Variants in KCNMB2 observed in about 807,000 individuals in gnomAD.
The protein encoded by KCNMB2 is calcium-activated potassium channel subunit beta-2.
In KCNMB2, 9 loss-of-function variants were observed where a neutral mutation model predicts 24.5. The ratio of observed to expected loss-of-function variants is 0.37; its 90% CI spans 0.22 to 0.64. The LOEUF (loss-of-function observed/expected upper bound fraction) is 0.64, where lower values mean the gene tolerates loss of function less well. Among genes scored for constraint, KCNMB2 ranks in the 30% least tolerant of loss-of-function variants. KCNMB2 has a pLI of 0.63. For missense variants in KCNMB2, 226 were observed against 284.3 expected (o/e 0.79, Z 1.47); for synonymous variants, 109 against 104.4 (o/e 1.04, Z -0.27).
At chr3:178,824,439 C>T (rs1295826777) in intron 2 of KCNMB2, 5 of 152,258 alleles carry the variant, frequency 3.3e-5, no homozygotes, top group Admixed American at 2.0e-4. Flanking sequence ...ATGATCTTGG[C>T]TCACTGCAAG....
At chr3:178,833,619 C>G (rs1715121911) in intron 4 of KCNMB2, among the ~76,000 whole-genome samples, 1 of 152,110 alleles carries the variant, frequency 6.6e-6, no homozygotes, top group African/African-American at 2.4e-5. Context: ...CTCACAGTTA[C>G]CAAGAAATGG....
chr3:178,758,843 G>A (rs187166876), intron 1 of KCNMB2, among the ~76,000 whole-genome samples: 2 of 2,972 alleles, frequency 6.7e-4, no homozygotes, highest in Non-Finnish European at 1.0e-3. Flanking sequence ...TCTCCAAGAG[G>A]GATATATATA....
chr3:178,567,348 G>T (rs1314602112), intron 1 of KCNMB2, among the ~76,000 whole-genome samples: 1 of 152,098 alleles, frequency 6.6e-6, no homozygotes, highest in African/African-American at 2.4e-5. Context: ...GAAGTCCTGA[G>T]CAACAAATAG....
intron 1 of KCNMB2, among the ~76,000 whole-genome samples, chr3:178,601,973 C>T (rs182907358): frequency 1.3e-5 from 2 of 152,296 alleles, no homozygotes; most frequent in Admixed American, 6.5e-5. Context: ...TTCTGCCAGA[C>T]TGAATTATTA....
intron 1 of KCNMB2, among the ~76,000 whole-genome samples, chr3:178,580,945 A>T (rs983033775): frequency 2.0e-5 from 3 of 152,214 alleles, no homozygotes; most frequent in African/African-American, 7.2e-5. Context: ...ATAATGCCCA[A>T]AATAATTTAT....
chr3:178,607,978 A>T (rs1271192552), intron 1 of KCNMB2, among the ~76,000 whole-genome samples: 4 of 152,206 alleles, frequency 2.6e-5, no homozygotes, highest in Admixed American at 1.3e-4. Flanking sequence ...GACACAGAGC[A>T]CACAAAGGGA....
intron 1 of KCNMB2, among the ~76,000 whole-genome samples, chr3:178,788,579 C>T (rs1232255560): frequency 6.6e-6 from 1 of 150,968 alleles, no homozygotes; most frequent in Non-Finnish European, 1.5e-5. Context: ...ATGATATCTG[C>T]TGTTACTCTA....
At chr3:178,683,076 T>C (rs1444582069) in intron 1 of KCNMB2, among the ~76,000 whole-genome samples, 2 of 152,056 alleles carry the variant, frequency 1.3e-5, no homozygotes, top group African/African-American at 4.8e-5. Flanking sequence ...GGCAAAGACA[T>C]GGAATCAACC....
At chr3:178,575,475 C>T (rs371126931) in intron 1 of KCNMB2, among the ~76,000 whole-genome samples, 9 of 152,196 alleles carry the variant, frequency 5.9e-5, no homozygotes, top group African/African-American at 1.7e-4. Context: ...TGTAGAAGCA[C>T]AAATCAAAGA....
chr3:178,576,003 CT>C (rs1560115640), intron 1 of KCNMB2, among the ~76,000 whole-genome samples: 1 of 152,032 alleles, frequency 6.6e-6, no homozygotes, highest in East Asian at 1.9e-4. Flanking sequence ...GTCCTGCCAC[CT>C]TTCCTATATC....
chr3:178,620,285 A>C (rs572106136), intron 1 of KCNMB2, among the ~76,000 whole-genome samples: 1 of 152,344 alleles, frequency 6.6e-6, no homozygotes, highest in Non-Finnish European at 1.5e-5. Flanking sequence ...TAGCTGGATA[A>C]GCTAATAAAA....
intron 1 of KCNMB2, among the ~76,000 whole-genome samples, chr3:178,724,103 CA>C (rs1559990295): frequency 6.6e-6 from 1 of 152,188 alleles, no homozygotes; most frequent in African/African-American, 2.4e-5. Flanking sequence ...TTCCCACTGA[CA>C]GTGTATAAGT....
At chr3:178,645,390 T>C (rs946287383) in intron 1 of KCNMB2, among the ~76,000 whole-genome samples, 1 of 152,136 alleles carries the variant, frequency 6.6e-6, no homozygotes, top group Non-Finnish European at 1.5e-5. Context: ...TTGCCTTTTG[T>C]ACTTAGAATC....
chr3:178,653,219 T>C (rs991196545), intron 1 of KCNMB2, among the ~76,000 whole-genome samples: 1 of 152,160 alleles, frequency 6.6e-6, no homozygotes, highest in Non-Finnish European at 1.5e-5. Context: ...GTAGATAGTT[T>C]ATATTCATAG....
intron 4 of KCNMB2, among the ~76,000 whole-genome samples, chr3:178,835,592 T>C (rs757543289): frequency 2.0e-5 from 3 of 152,084 alleles, no homozygotes; most frequent in Non-Finnish European, 2.9e-5. Flanking sequence ...TGGTACATTA[T>C]ATATGCTTAA....
chr3:178,836,554 A>G (rs1321553734), intron 4 of KCNMB2, among the ~76,000 whole-genome samples: 1 of 152,204 alleles, frequency 6.6e-6, no homozygotes, highest in Non-Finnish European at 1.5e-5. Flanking sequence ...TTTTATTAAC[A>G]AAACTCAGTA....
chr3:178,663,174 G>A (rs998478565), intron 1 of KCNMB2, among the ~76,000 whole-genome samples: 2 of 152,038 alleles, frequency 1.3e-5, no homozygotes, highest in African/African-American at 2.4e-5. Context: ...TCCCAGGAAG[G>A]AGTAAGAAAG....
rs561842020 is a variant in KCNMB2, at chr3:178,739,666, T to A, written c.-67-67677T>A. Among the ~76,000 whole-genome samples, 13 of 152,242 alleles carry A rather than the reference T, an allele frequency of 8.5e-5. No individual in the cohort carries two copies. The East Asian group carries it at 2.1e-3, about 25-fold the overall frequency. Reference sequence around the variant, plus strand: ...GACCTCCAAATCCTTTGGAAAACAGTGTGCTATTGAAACATAGTCTACAGG... The same window carrying A: ...GACCTCCAAATCCTTTGGAAAACAGAGTGCTATTGAAACATAGTCTACAGG... On this transcript the variant is annotated intron_variant, in intron 1 of 4. Coordinates refer to ENST00000452583, the MANE Select transcript of KCNMB2 (RefSeq NM_181361.3).
intron 1 of KCNMB2, among the ~76,000 whole-genome samples, chr3:178,551,787 G>A (rs1410038854): frequency 1.3e-5 from 2 of 152,154 alleles, no homozygotes; most frequent in Admixed American, 6.5e-5. Flanking sequence ...GAAATCTCTC[G>A]CTCAGAAAGC....
Sources: gnomAD v4.1 joint callset for allele counts (sites outside exome capture counted in the v4.1 genomes callset) on GRCh38, gnomAD v4.1.1 for gene constraint, MANE v1.5 for transcripts, NCBI Gene and HGNC (gene_info 2026-07-23, HGNC 2026-07-21) for gene names.